USH2A: variants seen among roughly 807,000 people sequenced by gnomAD.
USH2A encodes the protein Usher syndrome 2A (autosomal recessive, mild).
A neutral mutation model predicts 538.9 loss-of-function variants in USH2A; 443 were observed. That is an observed-to-expected ratio of 0.82 (90% confidence interval 0.76 to 0.89). The LOEUF (loss-of-function observed/expected upper bound fraction) is 0.89, where lower values mean the gene tolerates loss of function less well. Among genes scored for constraint, USH2A ranks in the 40% least tolerant of loss-of-function variants. USH2A has a pLI of 0.00. For synonymous variants in USH2A, 2,413 were observed against 2,273.5 expected (o/e 1.06, Z -1.75); for missense variants, 6,633 against 6,324.8 (o/e 1.05, Z -1.65).
At chr1:216,337,341 T>C (rs2037993752) in intron 4 of USH2A, among the ~76,000 whole-genome samples, 1 of 151,288 alleles carries the variant, frequency 6.6e-6, no homozygotes, top group Non-Finnish European at 1.5e-5. Flanking sequence ...ATTAAGAAAT[T>C]TGCCCAAGGT....
chr1:216,310,307 A>G (rs1286146120), intron 9 of USH2A, among the ~76,000 whole-genome samples: 1 of 152,096 alleles, frequency 6.6e-6, no homozygotes, highest in East Asian at 1.9e-4. Context: ...TATATCAACT[A>G]TACCTTTTTA....
chr1:216,063,104 T>C lies in USH2A; in HGVS notation c.6049+6997A>G, dbSNP rs76508879. 9.5e-3 allele frequency among the ~76,000 whole-genome samples: 1,447 copies of C among 152,314 alleles called. 32 individuals carry two copies. The highest frequency in any genetic ancestry group is 0.033 in the African/African-American group (1,359 of 41,562). The stretch of plus-strand genomic sequence containing the variant: ...CACCTCAGAAATGCTAAATAAGGGT[T>C]ATTTTCAAGATCAGTAGCAAAACTG... On this transcript the variant is annotated intron_variant, in intron 30 of 71. Transcript: ENST00000307340.
At chr1:216,159,940 G>T (rs1354247439) in intron 21 of USH2A, among the ~76,000 whole-genome samples, 3 of 151,944 alleles carry the variant, frequency 2.0e-5, no homozygotes, top group Non-Finnish European at 4.4e-5. Context: ...TATTGTCAAG[G>T]TTTTAGCGTA....
chr1:216,023,459 C>CAAAA lies in USH2A; in HGVS notation c.6326-22901_6326-22898dup. Among the ~76,000 whole-genome samples the CAAAA allele has an allele frequency of 4.5e-3, 208 of 46,638 alleles. 5 individuals are homozygous for CAAAA. Among genetic ancestry groups the CAAAA allele is most frequent in the African/African-American group, 5.7e-3 (63 of 10,966 alleles). The allele number at this position is 46,638 out of a possible 152,430, so 30.6% of individuals were successfully genotyped here. ...CCTCTTAAAAACTGTTCAAAGCAGA[C>CAAAA]AAAAAAAAAAAAAAAAAAAAAAATC... On this transcript the variant is annotated intron_variant, in intron 32 of 71. Coordinates refer to ENST00000307340, the MANE Select transcript of USH2A (RefSeq NM_206933.4).
chr1:216,146,035 C>T (rs2102615213), intron 21 of USH2A, among the ~76,000 whole-genome samples: 1 of 152,314 alleles, frequency 6.6e-6, no homozygotes, highest in South Asian at 2.1e-4. Flanking sequence ...GTGGTCTCTT[C>T]ACACGGACGC....
intron 44 of USH2A, among the ~76,000 whole-genome samples, chr1:215,865,675 T>C (rs1489719646): frequency 6.6e-6 from 1 of 152,188 alleles, no homozygotes; most frequent in Non-Finnish European, 1.5e-5. Flanking sequence ...TTAACTTATA[T>C]TATTCCATTA....
rs150077473 is a variant in USH2A, at chr1:215,982,390, T to C, written c.6805+10630A>G. Among the ~76,000 whole-genome samples, 40 of 152,280 alleles carry C rather than the reference T, an allele frequency of 2.6e-4. No homozygotes were observed. The East Asian group carries it at 7.7e-3, about 29-fold the overall frequency. On this transcript the variant is annotated intron_variant, in intron 35 of 71. Coordinates refer to ENST00000307340, the MANE Select transcript of USH2A (RefSeq NM_206933.4). ...GCTATAGGAAGCTCACCTTAGACTA[T>C]CTCCTCCAATTCTGACCTATGTCAT... is the stretch of plus-strand genomic sequence containing the variant.
At chr1:215,736,849 T>C (rs1260913331) in intron 60 of USH2A, among the ~76,000 whole-genome samples, 1 of 151,930 alleles carries the variant, frequency 6.6e-6, no homozygotes, top group Non-Finnish European at 1.5e-5. Flanking sequence ...TATTAAAAGA[T>C]TTCAGAATTA....
chr1:216,041,304 G>GT (rs1364641636), intron 32 of USH2A, among the ~76,000 whole-genome samples: 10 of 151,892 alleles, frequency 6.6e-5, no homozygotes, highest in African/African-American at 2.4e-4. Context: ...AATTTGAACT[G>GT]TATGCATTTT....
chr1:215,679,619 G>A (rs181619489), intron 62 of USH2A, among the ~76,000 whole-genome samples: 2 of 152,180 alleles, frequency 1.3e-5, no homozygotes, highest in African/African-American at 4.8e-5. Context: ...CTTGAGATAC[G>A]TATACAACAT....
At chr1:215,778,353 C>T (rs1364895943) in intron 55 of USH2A, among the ~76,000 whole-genome samples, 1 of 152,082 alleles carries the variant, frequency 6.6e-6, no homozygotes, top group Non-Finnish European at 1.5e-5. Context: ...CACCCAGCCT[C>T]AACACTATCA....
chr1:216,109,817 C>A (rs1027183575), intron 21 of USH2A, among the ~76,000 whole-genome samples: 11 of 152,108 alleles, frequency 7.2e-5, no homozygotes, highest in Admixed American at 7.2e-4. Flanking sequence ...CGGACCTCTG[C>A]AACAGTGATA....
At chr1:215,816,945 G>A (rs973724308) in intron 48 of USH2A, 52 bp downstream of exon 48, 2 of 1,561,896 alleles carry the variant, frequency 1.3e-6, no homozygotes, top group Non-Finnish European at 1.8e-6. Flanking sequence ...AATTTCACTT[G>A]GAGTCTTGAG....
chr1:215,894,108 G>A (rs1226186180), intron 40 of USH2A, among the ~76,000 whole-genome samples: 1 of 152,116 alleles, frequency 6.6e-6, no homozygotes, highest in Non-Finnish European at 1.5e-5. Context: ...GGAAAAACAT[G>A]TCAGCAATCA....
rs1274972827 is a variant in USH2A, at chr1:216,308,445, CAT to C, written c.1644+13436_1644+13437del. 2.0e-5 allele frequency among the ~76,000 whole-genome samples: 3 copies of C among 152,070 alleles called. No homozygotes were observed. The East Asian group carries it at 5.8e-4, about 29-fold the overall frequency. On this transcript the variant is annotated intron_variant, in intron 9 of 71. Coordinates refer to ENST00000307340, the MANE Select transcript of USH2A (RefSeq NM_206933.4). The stretch of plus-strand genomic sequence containing the variant: ...TTTACTGATAACCAGTAAAGTTGCA[CAT>C]GTCTTTACATGTATATTGACCATTT...
rs1397615631 is a variant in USH2A, at chr1:215,634,711, A to C, written c.15053-8T>G. ...GAGTTGTTAGGACCAAGCCTGCAAA[A>C]CCCAGAGAAAGAAAGGGGAAATGTT... is the stretch of plus-strand genomic sequence containing the variant. On this transcript the variant is annotated splice_region_variant and splice_polypyrimidine_tract_variant and intron_variant, in intron 69 of 71. Coordinates refer to ENST00000307340, the MANE Select transcript of USH2A (RefSeq NM_206933.4). The C allele has an allele frequency of 1.9e-6, 3 of 1,614,168 alleles. No individual in the cohort carries two copies. The highest frequency in any genetic ancestry group is 2.2e-5 in the South Asian group (2 of 91,086).
intron 48 of USH2A, 91 bp from the exon 49 acceptor site, chr1:215,813,995 A>T: frequency 7.1e-7 from 1 of 1,399,082 alleles, no homozygotes; most frequent in Admixed American, 1.9e-5. Context: ...TTTTCTTGTA[A>T]GGCATAGAAG....
At chr1:215,881,286 G>A (rs1374265776) in intron 41 of USH2A, among the ~76,000 whole-genome samples, 1 of 152,084 alleles carries the variant, frequency 6.6e-6, no homozygotes, top group African/African-American at 2.4e-5. Flanking sequence ...GAGTATACGC[G>A]TGTGCTACCA....
chr1:215,727,423 A>T (rs1269242703), intron 61 of USH2A, among the ~76,000 whole-genome samples: 1 of 152,162 alleles, frequency 6.6e-6, no homozygotes, highest in African/African-American at 2.4e-5. Context: ...AATGGAAATC[A>T]AGACTAAATT....
Sources: gnomAD v4.1 joint callset for allele counts (sites outside exome capture counted in the v4.1 genomes callset) on GRCh38, gnomAD v4.1.1 for gene constraint, MANE v1.5 for transcripts, NCBI Gene and HGNC (gene_info 2026-07-23, HGNC 2026-07-21) for gene names.